The following HYDIN variants were observed in gnomAD, a reference collection of about 807,000 sequenced individuals.
HYDIN encodes HYDIN axonemal central pair apparatus protein, also known as axonemal central pair apparatus protein HYDIN.
HYDIN carries 132 observed loss-of-function variants against 403.9 expected under a neutral mutation model. The ratio of observed to expected loss-of-function variants is 0.33; its 90% confidence interval spans 0.28 to 0.38. The LOEUF is 0.38. HYDIN is among the 10% of genes least tolerant of loss of function. HYDIN has a pLI of 1.00. For synonymous variants in HYDIN, 1,202 were observed against 1,891.7 expected, an observed-to-expected ratio of 0.64 and a Z score of 9.46; for missense variants, 2,827 against 5,009.5, an observed-to-expected ratio of 0.56 and a Z score of 13.15.
chr16:71,093,035 C>T (rs956403805), intron 11 of HYDIN, among the ~76,000 whole-genome samples: 8 of 149,138 alleles, frequency 5.4e-5, no homozygotes, highest in Non-Finnish European at 1.0e-4. Flanking sequence ...AAATCACACA[C>T]ACACACACAC....
chr16:71,199,581 A>G (rs960945602), intron 1 of HYDIN, among the ~76,000 whole-genome samples: 1 of 152,130 alleles, frequency 6.6e-6, no homozygotes, highest in East Asian at 1.9e-4. Flanking sequence ...ATCCTTCACC[A>G]TCTTGTAAGC....
intron 39 of HYDIN, among the ~76,000 whole-genome samples, chr16:70,956,128 A>C (rs112416192): frequency 6.6e-6 from 1 of 152,256 alleles, no homozygotes; most frequent in African/African-American, 2.4e-5. Flanking sequence ...TCTGTTTAAG[A>C]AACAGGTTCT....
At chr16:71,131,725 TATATAGATGATG>T (rs1453930089) in intron 8 of HYDIN, 22 of 147,132 alleles carry the variant, frequency 1.5e-4, no homozygotes, top group Non-Finnish European at 2.5e-4. Flanking sequence ...TCATTCCCAC[TATATAGATGATG>T]AAACTGAGGC....
chr16:71,141,231 T>A (rs1241447160), intron 7 of HYDIN, among the ~76,000 whole-genome samples: 19 of 147,922 alleles, frequency 1.3e-4, no homozygotes, highest in Non-Finnish European at 2.1e-4. Context: ...ATCATTGGTA[T>A]AAAGACATAT....
intron 37 of HYDIN, 31 bp from the exon 38 acceptor site, chr16:70,962,169 G>C: frequency 1.5e-6 from 1 of 686,832 alleles, no homozygotes; most frequent in Admixed American, 3.4e-5. Flanking sequence ...AAAACACCAG[G>C]GGAAGAGTTG....
In HYDIN at chr16:70,860,886, T is replaced by C; in HGVS notation, c.11793A>G (p.Pro3931=). 1.6e-6 allele frequency: 1 copy of C among 621,884 alleles called. No homozygotes were observed. Among genetic ancestry groups the C allele is most frequent in the East Asian group, 2.7e-5 (1 of 36,488 alleles). 38.5% of individuals were successfully genotyped at this position (621,884 alleles called of 1,614,324 possible). A position where few individuals can be genotyped will look rare whatever the true frequency, so the allele number is the denominator to read the frequency against. Residue 3931 remains proline (P), a synonymous_variant, in exon 70 of 86, where the codon CCA becomes CCG. Coordinates refer to ENST00000393567, the MANE Select transcript of HYDIN (RefSeq NM_001270974.2). ...CCAGGACCGGACCTTGCTCTCCAGG[T>C]GGCAGGTTGGGAATCCTGAGAGGAT... is the stretch of plus-strand genomic sequence containing the variant. ...SNLFCQIPNL[P]PGEQGPVLVA...
At chr16:70,902,821 A>ATATATTTTTTTTTTTTTTTTTTTTT in intron 52 of HYDIN, among the ~76,000 whole-genome samples, 3 of 47,310 alleles carry the variant, frequency 6.3e-5, no homozygotes, top group South Asian at 7.5e-4. Flanking sequence ...ATATATATAT[A>ATATATTTTTTTTTTTTTTTTTTTTT]TTTTTTTTTT....
intron 10 of HYDIN, among the ~76,000 whole-genome samples, chr16:71,098,086 G>A (rs183237047): frequency 9.3e-4 from 141 of 152,190 alleles, no homozygotes; most frequent in African/African-American, 3.2e-3. Flanking sequence ...GCCATACTTA[G>A]GATGACTGAT....
chr16:70,943,822 T>C lies in HYDIN; in HGVS notation c.6659A>G (p.Glu2220Gly), dbSNP rs1229763648. 6.2e-7 allele frequency: 1 copy of C among 1,612,498 alleles called. No homozygotes were observed. The highest frequency in any genetic ancestry group is 8.5e-7 in the Non-Finnish European group (1 of 1,180,014). ...GTGGCATGGACCCACCTGTATCCGC[T>C]CTGCCAGGATCTGCACGAGAAGTTC... ...PDELLVQILAERIQLSDCYRG... is the reference protein window; with the variant it reads ...PDELLVQILAGRIQLSDCYRG... Residue 2220 changes from glutamate (E) to glycine (G), a missense_variant, in exon 42 of 86, where the codon GAG becomes GGG. Coordinates refer to ENST00000393567, the MANE Select transcript of HYDIN (RefSeq NM_001270974.2).
intron 23 of HYDIN, among the ~76,000 whole-genome samples, chr16:71,014,524 T>C (rs1253519445): frequency 6.6e-6 from 1 of 151,564 alleles, no homozygotes; most frequent in East Asian, 2.0e-4. Flanking sequence ...CCATGATGAG[T>C]GCATCACCCT....
intron 5 of HYDIN, among the ~76,000 whole-genome samples, chr16:71,174,503 A>G (rs2144636518): frequency 6.6e-6 from 1 of 152,230 alleles, no homozygotes; most frequent in East Asian, 1.9e-4. Flanking sequence ...TGTTCTGCAT[A>G]TTTAAGACTT....
intron 36 of HYDIN, 40 bp downstream of exon 36, chr16:70,970,480 G>C (rs775628131): frequency 1.9e-6 from 3 of 1,605,076 alleles, no homozygotes; most frequent in Admixed American, 3.3e-5. Context: ...GAAAAAGATG[G>C]GAACGTGTAG....
intron 4 of HYDIN, among the ~76,000 whole-genome samples, chr16:71,177,110 G>A (rs2086700269): frequency 6.6e-6 from 1 of 152,160 alleles, no homozygotes; most frequent in Admixed American, 6.5e-5. Context: ...TTTCCATGTG[G>A]CCAGCACTCT....
intron 20 of HYDIN, 112 bp from the exon 21 acceptor site, chr16:71,025,638 CAAGG>C (rs2080665339): frequency 9.3e-6 from 1 of 107,094 alleles, no homozygotes; most frequent in Admixed American, 1.1e-4. Context: ...CCTGGGGACA[CAAGG>C]AAGAGCACAC....
intron 1 of HYDIN, among the ~76,000 whole-genome samples, chr16:71,200,589 C>A (rs965514675): frequency 1.3e-5 from 2 of 152,210 alleles, no homozygotes; most frequent in Non-Finnish European, 2.9e-5. Flanking sequence ...TATATCAACA[C>A]TGAATGGCTG....
chr16:70,890,554 T>C (rs991566149), intron 57 of HYDIN, among the ~76,000 whole-genome samples: 1 of 152,146 alleles, frequency 6.6e-6, no homozygotes, highest in Non-Finnish European at 1.5e-5. Flanking sequence ...TACAGAAATA[T>C]AAAACAACTA....
At chr16:71,181,095 C>A (rs2086882189) in intron 3 of HYDIN, among the ~76,000 whole-genome samples, 3 of 151,472 alleles carry the variant, frequency 2.0e-5, no homozygotes, top group Admixed American at 6.6e-5. Context: ...TTAAGGAAGA[C>A]CTAACTGAAT....
At chr16:71,196,012 A>G (rs1025287331) in intron 1 of HYDIN, among the ~76,000 whole-genome samples, 2 of 152,218 alleles carry the variant, frequency 1.3e-5, no homozygotes, top group Non-Finnish European at 2.9e-5. Context: ...AGAAACAGAG[A>G]AAGGTATGGT....
At chr16:71,117,913 C>T (rs1384478144) in intron 9 of HYDIN, among the ~76,000 whole-genome samples, 1 of 151,640 alleles carries the variant, frequency 6.6e-6, no homozygotes, top group Non-Finnish European at 1.5e-5. Flanking sequence ...GAAGGAGGCA[C>T]AAGGGCTTAA....
Sources: gnomAD v4.1 joint callset for allele counts (sites outside exome capture counted in the v4.1 genomes callset) on GRCh38, gnomAD v4.1.1 for gene constraint, MANE v1.5 for transcripts, NCBI Gene and HGNC (gene_info 2026-07-23, HGNC 2026-07-21) for gene names.